SLC9C2: variants seen among roughly 807,000 people sequenced by gnomAD.
SLC9C2 encodes the protein solute carrier family 9 member C2 (putative), also known as sodium/hydrogen exchanger 11.
SLC9C2 carries 75 observed loss-of-function variants against 140.2 expected under a neutral mutation model. That is an observed-to-expected ratio of 0.53 (90% confidence interval 0.44 to 0.65). The LOEUF (loss-of-function observed/expected upper bound fraction) is 0.65, where lower values mean the gene tolerates loss of function less well. Ranked by LOEUF, SLC9C2 falls within the 30% of genes least tolerant of loss-of-function variation. SLC9C2 has a pLI of 0.00. For synonymous variants in SLC9C2, 375 were observed against 420.9 expected (o/e 0.89, Z 1.34); for missense variants, 1,074 against 1,331.8 (o/e 0.81, Z 3.01).
intron 23 of SLC9C2, among the ~76,000 whole-genome samples, chr1:173,510,170 C>T (rs1045532610): frequency 2.6e-5 from 4 of 152,032 alleles, no homozygotes; most frequent in Non-Finnish European, 5.9e-5. Flanking sequence ...AAACTCATGC[C>T]TTCTCTCCTC....
chr1:173,587,553 G>A lies in SLC9C2; in HGVS notation c.523+112C>T. The A allele has an allele frequency of 2.9e-6, 3 of 1,042,958 alleles. No homozygotes were observed. The South Asian group carries it at 5.6e-5, about 19-fold the overall frequency. 64.6% of individuals were successfully genotyped at this position (1,042,958 alleles called of 1,614,324 possible). On this transcript the variant is annotated intron_variant, in intron 5 of 27. Transcript: ENST00000367714. Reference sequence around the variant, plus strand: ...TCTACCTCTCAAGGTGAAAAAAAAAGCACAGAGTCTTATTCTTCTGGGTGC... The same window carrying A: ...TCTACCTCTCAAGGTGAAAAAAAAAACACAGAGTCTTATTCTTCTGGGTGC...
intron 9 of SLC9C2, among the ~76,000 whole-genome samples, chr1:173,557,763 T>C (rs1384756525): frequency 6.6e-6 from 1 of 152,174 alleles, no homozygotes; most frequent in African/African-American, 2.4e-5. Context: ...TCAACACTAC[T>C]GTATACTGTT....
chr1:173,584,488 T>C lies in SLC9C2; in HGVS notation c.524-866A>G, dbSNP rs189986253. Among the ~76,000 whole-genome samples the C allele has an allele frequency of 3.6e-3, 555 of 152,304 alleles. 1 individual carries two copies. The highest frequency in any genetic ancestry group is 5.1e-3 in the Non-Finnish European group (347 of 68,004). On this transcript the variant is annotated intron_variant, in intron 5 of 27. Coordinates refer to ENST00000367714, the MANE Select transcript of SLC9C2 (RefSeq NM_178527.4). ...TGTTTAAGAAAGTCTTCATTTTACC[T>C]TCTCTTTCAAAAGATATTTTCACTG...
rs777522719 is a variant in SLC9C2, at chr1:173,587,715, G to T, written c.473C>A (p.Thr158Asn). Residue 158 changes from threonine to asparagine, a missense_variant, in exon 5 of 28, where the codon ACC becomes AAC. Coordinates refer to ENST00000367714, the MANE Select transcript of SLC9C2 (RefSeq NM_178527.4). ...ACGAAGAGGATCTATAATGCCAAGG[G>T]TGATGCTAAAGAGTAGGCAAGATTG... ...DLQSCLLFSI[T>N]LGIIDPLRSV... 1 of 1,613,466 alleles carries T rather than the reference G, an allele frequency of 6.2e-7. No homozygotes were observed. The highest frequency in any genetic ancestry group is 1.1e-5 in the South Asian group (1 of 91,026).
chr1:173,560,163 T>G (rs1445542336), intron 9 of SLC9C2, among the ~76,000 whole-genome samples: 3 of 152,242 alleles, frequency 2.0e-5, no homozygotes, highest in Non-Finnish European at 4.4e-5. Flanking sequence ...CATAAAATCT[T>G]AATCCTTTTT....
chr1:173,594,922 CAG>C (rs1666360566), intron 4 of SLC9C2, among the ~76,000 whole-genome samples: 1 of 152,242 alleles, frequency 6.6e-6, no homozygotes, highest in East Asian at 1.9e-4. Flanking sequence ...GTTTTTGAGA[CAG>C]AGTCTCGCTC....
At chr1:173,521,214 A>T in intron 22 of SLC9C2, 87 bp downstream of exon 22, 1 of 742,942 alleles carries the variant, frequency 1.3e-6, no homozygotes. Context: ...AAACTTTTTC[A>T]GTATCTAAAT....
chr1:173,590,611 A>G (rs10798292), intron 4 of SLC9C2, among the ~76,000 whole-genome samples: 60,681 of 151,780 alleles, frequency 0.4, 14,828 homozygotes, highest in East Asian at 0.68. Flanking sequence ...GTGTAACCAT[A>G]TGACAGCATC....
intron 3 of SLC9C2, 149 bp downstream of exon 3, chr1:173,599,968 T>A (rs1373677137): frequency 2.3e-5 from 12 of 520,764 alleles, no homozygotes; most frequent in African/African-American, 1.9e-4. Flanking sequence ...ACTGTGTGGT[T>A]ATTTTCCAAA....
intron 4 of SLC9C2, among the ~76,000 whole-genome samples, chr1:173,594,581 G>A (rs1227105088): frequency 6.6e-6 from 1 of 152,100 alleles, no homozygotes; most frequent in African/African-American, 2.4e-5. Context: ...TGAGTGTAGA[G>A]AAGCACTGGT....
intron 13 of SLC9C2, among the ~76,000 whole-genome samples, chr1:173,539,216 T>C (rs1444088755): frequency 6.6e-6 from 1 of 152,160 alleles, no homozygotes; most frequent in Non-Finnish European, 1.5e-5. Flanking sequence ...TGAGGAGTCA[T>C]TTAGGGTTTT....
chr1:173,507,005 C>T lies in SLC9C2; in HGVS notation c.3076G>A (p.Ala1026Thr). ...TAGCTTGATAAAGTTTCCACATATG[C>T]TTGATTGAACATCACACAGTTCTGA... is the stretch of plus-strand genomic sequence containing the variant. ...RFQNCVMFNQ[A>T]YVETLSSYSD... is the part of the protein sequence containing the mutation. The change falls in exon 25 of 28, where the codon GCA (alanine) becomes ACA (threonine). Residue 1026 changes from alanine to threonine, a missense_variant. Coordinates refer to ENST00000367714, the MANE Select transcript of SLC9C2 (RefSeq NM_178527.4). 1.2e-6 allele frequency: 2 copies of T among 1,605,220 alleles called. No homozygotes were observed. Among genetic ancestry groups the T allele is most frequent in the Non-Finnish European group, 1.7e-6 (2 of 1,177,312 alleles).
Position 173,587,701 on chromosome 1 carries a change from CTA to C in SLC9C2, c.485_486del (p.Ile162ArgfsTer16). On this transcript the variant is annotated frameshift_variant, in exon 5 of 28. Coordinates refer to ENST00000367714, the MANE Select transcript of SLC9C2 (RefSeq NM_178527.4). LOFTEE classifies it high-confidence loss of function. ...AGTGAATTCACAGAACGAAGAGGAT[CTA>C]TAATGCCAAGGGTGATGCTAAAGAG... is the stretch of plus-strand genomic sequence containing the variant. Reference protein sequence around the residue: ...CLLFSITLGIIDPLRSVNSLK... With the variant: ...CLLFSITLGIXDPLRSVNSLK... The C allele has an allele frequency of 6.2e-7, 1 of 1,612,858 alleles. No homozygotes were observed.
At chr1:173,534,408 T>C in intron 16 of SLC9C2, 76 bp downstream of exon 16, 3 of 1,411,480 alleles carry the variant, frequency 2.1e-6, no homozygotes, top group Non-Finnish European at 2.8e-6. Flanking sequence ...TCAAGTTACT[T>C]CAATAATATG....
chr1:173,597,958 T>A lies in SLC9C2; in HGVS notation c.303A>T (p.Ile101=). The change falls in exon 4 of 28, where the codon ATA becomes ATT. Residue 101 remains isoleucine, a synonymous_variant. Coordinates refer to ENST00000367714, the MANE Select transcript of SLC9C2 (RefSeq NM_178527.4). ...ATTCTACATCCAAAGCAACCATAAA[T>A]ATAATTAAAGGTGAAAAGTAAGAAT... ...SLYSYFSPLI[I]FMVALDVEFY... The A allele has an allele frequency of 6.3e-7, 1 of 1,598,318 alleles. No individual in the cohort carries two copies.
rs113788989 is a variant in SLC9C2 at position 173,545,549 on chromosome 1, T to A, written c.1557+2140A>T. Among the ~76,000 whole-genome samples, 208 of 152,276 alleles carry A rather than the reference T, an allele frequency of 1.4e-3. 1 individual carries two copies. Among genetic ancestry groups the A allele is most frequent in the African/African-American group, 4.8e-3 (200 of 41,548 alleles). On this transcript the variant is annotated intron_variant, in intron 13 of 27. Transcript: ENST00000367714. ...GAATATTGGGTGTCTGGGGGGCAGA[T>A]AACTTTTCTTTTTAGTTCACAGGTA...
At chr1:173,576,594 T>A (rs1665191559) in intron 8 of SLC9C2, 67 bp downstream of exon 8, 1 of 927,006 alleles carries the variant, frequency 1.1e-6, no homozygotes, top group Non-Finnish European at 1.7e-6. Context: ...CTAGTGTCCA[T>A]GAAGGCGAGA....
chr1:173,598,000 T>C lies in SLC9C2; in HGVS notation c.261A>G (p.Thr87=). The change falls in exon 4 of 28, where the codon ACA becomes ACG. Residue 87 remains threonine (T), a synonymous_variant. Coordinates refer to ENST00000367714, the MANE Select transcript of SLC9C2 (RefSeq NM_178527.4). ...AGTAAGAATAAAGTGAAAAACTTGA[T>C]GTTCTTAGAAGAGGGTAGACAATTT... ...VHQIVYPLLR[T]SSFSLYSYFS... 2.5e-6 allele frequency: 4 copies of C among 1,598,454 alleles called. No individual in the cohort carries two copies. The highest frequency in any genetic ancestry group is 3.4e-6 in the Non-Finnish European group (4 of 1,171,932).
chr1:173,542,155 A>G (rs1662480165), intron 13 of SLC9C2, among the ~76,000 whole-genome samples: 1 of 152,222 alleles, frequency 6.6e-6, no homozygotes, highest in Non-Finnish European at 1.5e-5. Flanking sequence ...ACATAGATGC[A>G]ATAAAAAATG....
Sources: allele counts gnomAD v4.1 joint callset (sites outside exome capture counted in the v4.1 genomes callset), GRCh38; gene constraint gnomAD v4.1.1; transcripts MANE v1.5; gene names NCBI Gene and HGNC (gene_info 2026-07-23, HGNC 2026-07-21).